The following METTL21C variants were observed in gnomAD, a reference collection of about 807,000 sequenced individuals.
The protein encoded by METTL21C is methyltransferase 21C, AARS1 lysine, also known as protein-lysine methyltransferase METTL21C.
In METTL21C, 21 loss-of-function variants were observed where a neutral mutation model predicts 25.9. That is an observed-to-expected ratio of 0.81 (90% CI 0.58 to 1.17). The LOEUF (loss-of-function observed/expected upper bound fraction) is 1.17. METTL21C is among the 50% of genes most tolerant of loss of function. METTL21C has a pLI of 0.00. For missense variants in METTL21C, 312 were observed against 315.1 expected (o/e 0.99, Z 0.07); for synonymous variants, 125 against 124.7 (o/e 1.00, Z -0.01).
chr13:102,697,003 C>T (rs1009084179), upstream of METTL21C, among the ~76,000 whole-genome samples: 2 of 152,160 alleles, frequency 1.3e-5, no homozygotes, highest in Non-Finnish European at 2.9e-5. Flanking sequence ...GATTAGTCCT[C>T]CTGCATGGCT....
chr13:102,694,334 A>T (rs1437123593), intron 1 of METTL21C, 35 bp downstream of exon 1: 1 of 1,589,932 alleles, frequency 6.3e-7, no homozygotes, highest in South Asian at 1.1e-5. Flanking sequence ...AAAACAACTG[A>T]GGAAAACTGT....
chr13:102,703,597 C>T, the METTL21C span, among the ~76,000 whole-genome samples: 3 of 152,196 alleles, frequency 2.0e-5, no homozygotes, highest in African/African-American at 4.8e-5. Context: ...TATTCAGCGA[C>T]GCTCGTTACA....
the METTL21C span, among the ~76,000 whole-genome samples, chr13:102,700,333 T>C: frequency 0.14 from 21,952 of 152,190 alleles, 1,597 homozygotes; most frequent in South Asian, 0.21. Context: ...TATATGCACT[T>C]TGGAGAATAG....
intron 1 of METTL21C, among the ~76,000 whole-genome samples, chr13:102,692,267 T>A (rs1885850595): frequency 6.7e-6 from 1 of 150,354 alleles, no homozygotes. Context: ...GGGAGAAACC[T>A]GGTCAGCAGG....
chr13:102,703,242 G>GA, the METTL21C span, among the ~76,000 whole-genome samples: 382 of 152,226 alleles, frequency 2.5e-3, 5 homozygotes, highest in Middle Eastern at 3.4e-3. Context: ...TCCCCTCCCT[G>GA]CTCTCTTCTG....
chr13:102,690,483 T>G (rs1254014140), intron 2 of METTL21C, among the ~76,000 whole-genome samples: 1 of 151,800 alleles, frequency 6.6e-6, no homozygotes, highest in South Asian at 2.1e-4. Flanking sequence ...GGCTCGGAGA[T>G]GCCCACTGCA....
In METTL21C at chr13:102,690,879, C is replaced by T; in HGVS notation, c.216G>A (p.Arg72=). Residue 72 remains arginine, a synonymous_variant, in exon 2 of 4, where the codon CGG becomes CGA. Transcript: ENST00000267273. ...DYASYTQEHY[R]FAGKEIVIQE... ...GGATGACAATCTCCTTTCCTGCAAA[C>T]CGATAATGCTCCTGAGTGTAGCTGG... The T allele has an allele frequency of 6.2e-7, 1 of 1,614,182 alleles. No individual in the cohort carries two copies. Among genetic ancestry groups the T allele is most frequent in the South Asian group, 1.1e-5 (1 of 91,086 alleles).
upstream of METTL21C, among the ~76,000 whole-genome samples, chr13:102,696,719 T>A (rs1490329353): frequency 6.6e-6 from 1 of 152,108 alleles, no homozygotes; most frequent in African/African-American, 2.4e-5. Flanking sequence ...ATGCGTCAAC[T>A]CCAGGCTCTG....
upstream of METTL21C, among the ~76,000 whole-genome samples, chr13:102,697,780 AG>A (rs1885969925): frequency 6.6e-6 from 1 of 152,202 alleles, no homozygotes; most frequent in South Asian, 2.1e-4. Context: ...TAACACAGCA[AG>A]GAAAGTGGAC....
At chr13:102,697,316 C>T (rs927809208), upstream of METTL21C, among the ~76,000 whole-genome samples, 1 of 151,942 alleles carries the variant, frequency 6.6e-6, no homozygotes, top group African/African-American at 2.4e-5. Context: ...GGACATTCAG[C>T]AATTTGGGGG....
upstream of METTL21C, among the ~76,000 whole-genome samples, chr13:102,696,513 A>G (rs530845958): frequency 1.3e-5 from 2 of 152,306 alleles, no homozygotes; most frequent in East Asian, 3.9e-4. Flanking sequence ...TTAAAGTATA[A>G]TAAAAATAAA....
chr13:102,694,892 T>TCACACA lies in METTL21C; in HGVS notation c.-395_-394insTGTGTG, dbSNP rs761211998. 2.4e-3 allele frequency among the ~76,000 whole-genome samples: 345 copies of TCACACA among 142,426 alleles called. 1 individual carries two copies. The highest frequency in any genetic ancestry group is 7.6e-3 in the African/African-American group (286 of 37,820). The allele number at this position is 142,426 out of a possible 152,430, so 93.4% of individuals were successfully genotyped here. Reference sequence around the variant, plus strand: ...CTCTCTTTCTCTCTCTCTCTCTCTCTCTCTCTCTCACACACACACACACAC... The same window carrying TCACACA: ...CTCTCTTTCTCTCTCTCTCTCTCTCTCACACACTCTCTCTCACACACACACACACAC... On this transcript the variant is annotated 5_prime_UTR_variant, in exon 1 of 4. Coordinates refer to ENST00000267273, the MANE Select transcript of METTL21C (RefSeq NM_001010977.3).
the METTL21C span, among the ~76,000 whole-genome samples, chr13:102,703,132 T>A: frequency 6.6e-6 from 1 of 152,254 alleles, no homozygotes; most frequent in Non-Finnish European, 1.5e-5. Context: ...CACCTGGTTA[T>A]GACATTTACC....
chr13:102,690,273 T>G (rs1473797461), intron 2 of METTL21C, among the ~76,000 whole-genome samples: 1 of 151,838 alleles, frequency 6.6e-6, no homozygotes, highest in Non-Finnish European at 1.5e-5. Flanking sequence ...ATACAAAAAT[T>G]AGCCAGGCAT....
Position 102,694,984 on chromosome 13 carries a change from C to T in METTL21C, c.-486G>A, listed in dbSNP as rs950551125. 6.6e-6 allele frequency among the ~76,000 whole-genome samples: 1 copy of T among 151,988 alleles called. No individual in the cohort carries two copies. The highest frequency in any genetic ancestry group is 2.4e-5 in the African/African-American group (1 of 41,348). On this transcript the variant is annotated 5_prime_UTR_variant, in exon 1 of 4. In the 5' UTR this introduces an upstream ATG that the reference lacks. Coordinates refer to ENST00000267273, the MANE Select transcript of METTL21C (RefSeq NM_001010977.3). ...CCCTTCAAAAGTTTCAGGAATATCA[C>T]TGGAACAGAACAGAGGCTGCCCCTG...
upstream of METTL21C, among the ~76,000 whole-genome samples, chr13:102,695,738 G>C (rs565882762): frequency 2.0e-5 from 3 of 152,250 alleles, no homozygotes; most frequent in East Asian, 5.8e-4. Context: ...ATTTGTTCCA[G>C]CTCTATCGTT....
chr13:102,703,066 C>T, the METTL21C span, among the ~76,000 whole-genome samples: 1 of 152,182 alleles, frequency 6.6e-6, no homozygotes, highest in Non-Finnish European at 1.5e-5. Context: ...GGAGAGACAG[C>T]TTCAAATAAA....
chr13:102,699,424 G>A (rs142614380), upstream of METTL21C, among the ~76,000 whole-genome samples: 111 of 152,270 alleles, frequency 7.3e-4, no homozygotes, highest in South Asian at 1.0e-3. Flanking sequence ...ACCACAGCTC[G>A]CCCTGGGCTG....
upstream of METTL21C, among the ~76,000 whole-genome samples, chr13:102,697,687 C>T (rs774636207): frequency 6.6e-6 from 1 of 152,096 alleles, no homozygotes; most frequent in Non-Finnish European, 1.5e-5. Flanking sequence ...CCAGAAGCCC[C>T]CATCTTACTT....
Sources: allele counts gnomAD v4.1 joint callset (sites outside exome capture counted in the v4.1 genomes callset), GRCh38; gene constraint gnomAD v4.1.1; transcripts MANE v1.5; gene names NCBI Gene and HGNC (gene_info 2026-07-23, HGNC 2026-07-21).